CAMK2D: variants seen among roughly 807,000 people sequenced by gnomAD.
CAMK2D encodes the protein calcium/calmodulin dependent protein kinase II delta, also known as calcium/calmodulin-dependent protein kinase type II subunit delta.
Under a neutral mutation model 84.0 loss-of-function variants are expected in CAMK2D, and 37 were observed. The ratio of observed to expected loss-of-function variants is 0.44; its 90% CI spans 0.34 to 0.58. The LOEUF (loss-of-function observed/expected upper bound fraction) is 0.58. Ranked by LOEUF, CAMK2D falls within the 20% of genes least tolerant of loss-of-function variation. The pLI is 0.02. For missense variants in CAMK2D, 448 were observed against 652.5 expected (o/e 0.69, Z 3.41); for synonymous variants, 202 against 212.5 (o/e 0.95, Z 0.43).
intron 3 of CAMK2D, among the ~76,000 whole-genome samples, chr4:113,614,442 T>C (rs865924523): frequency 2.0e-5 from 3 of 152,126 alleles, no homozygotes; most frequent in Non-Finnish European, 4.4e-5. Context: ...GAGTAGCATG[T>C]GTGATGCAAG....
chr4:113,757,586 C>T lies in CAMK2D; in HGVS notation c.160+1734G>A, dbSNP rs867623836. Among the ~76,000 whole-genome samples, 16 of 152,160 alleles carry T rather than the reference C, an allele frequency of 1.1e-4. 1 individual carries two copies. The highest frequency in any genetic ancestry group is 2.9e-4 in the African/African-American group (12 of 41,528). ...CACAAGGAAAAAAAATTGCAGAAAA[C>T]GGGCAAGAAGAATGTCTCCTAACTC... On this transcript the variant is annotated intron_variant, in intron 2 of 20. Coordinates refer to ENST00000511664, the MANE Select transcript of CAMK2D (RefSeq NM_001321571.2).
chr4:113,744,202 A>C (rs1258246061), intron 2 of CAMK2D, among the ~76,000 whole-genome samples: 1 of 152,154 alleles, frequency 6.6e-6, no homozygotes, highest in Non-Finnish European at 1.5e-5. Context: ...AATCCCAAGA[A>C]AGTCATTAAT....
intron 2 of CAMK2D, among the ~76,000 whole-genome samples, chr4:113,753,440 A>G (rs1325840520): frequency 2.0e-5 from 3 of 152,004 alleles, no homozygotes; most frequent in Non-Finnish European, 4.4e-5. Context: ...TGTAATTACA[A>G]TGATAGCTAA....
At chr4:113,500,152 G>A (rs1437051517) in intron 16 of CAMK2D, among the ~76,000 whole-genome samples, 1 of 152,064 alleles carries the variant, frequency 6.6e-6, no homozygotes, top group Admixed American at 6.5e-5. Context: ...CTTTTTGACT[G>A]ACAAATTTAC....
intron 2 of CAMK2D, among the ~76,000 whole-genome samples, chr4:113,697,671 A>G (rs1043011807): frequency 6.6e-6 from 1 of 152,128 alleles, no homozygotes; most frequent in Non-Finnish European, 1.5e-5. Flanking sequence ...ATACTAAGCC[A>G]GTTCTTATGA....
At chr4:113,611,977 C>T (rs1380877407) in intron 3 of CAMK2D, among the ~76,000 whole-genome samples, 1 of 152,078 alleles carries the variant, frequency 6.6e-6, no homozygotes, top group African/African-American at 2.4e-5. Context: ...ATATTTCCTT[C>T]CTTCCTTTAT....
At chr4:113,679,725 T>G (rs903706268) in intron 2 of CAMK2D, among the ~76,000 whole-genome samples, 1 of 152,158 alleles carries the variant, frequency 6.6e-6, no homozygotes, top group Non-Finnish European at 1.5e-5. Flanking sequence ...GAAATCTAAT[T>G]TGGAAATACG....
At chr4:113,748,394 C>T (rs955168390) in intron 2 of CAMK2D, among the ~76,000 whole-genome samples, 1 of 152,114 alleles carries the variant, frequency 6.6e-6, no homozygotes, top group Non-Finnish European at 1.5e-5. Context: ...ACAAAATTTA[C>T]AGGAAGTAAT....
intron 4 of CAMK2D, among the ~76,000 whole-genome samples, chr4:113,593,257 A>T (rs2098901948): frequency 6.6e-6 from 1 of 152,246 alleles, no homozygotes; most frequent in South Asian, 2.1e-4. Flanking sequence ...CAAGTAAAAT[A>T]CTGAACAAAC....
intron 4 of CAMK2D, among the ~76,000 whole-genome samples, chr4:113,556,124 A>C (rs912218627): frequency 6.6e-6 from 1 of 152,194 alleles, no homozygotes; most frequent in African/African-American, 2.4e-5. Flanking sequence ...AAAATGTGCC[A>C]AGACTAAGTG....
chr4:113,537,481 A>T, intron 6 of CAMK2D, 38 bp from the exon 7 acceptor site: 1 of 1,240,266 alleles, frequency 8.1e-7, no homozygotes, highest in Non-Finnish European at 1.2e-6. Flanking sequence ...CTGAAGTGAG[A>T]ACCTATTTTA....
At position 113,455,803 on chromosome 4, in the gene CAMK2D, A is replaced by G. The variant is rs775133200; in HGVS notation, c.1554T>C (p.Asn518=). Residue 518 remains asparagine (N), a synonymous_variant, in exon 20 of 21, where the codon AAT becomes AAC. Transcript: ENST00000511664. ...TGCCTCCTGAGAAGTTTTCTTTCCC[A>G]TTTGGAATACAGGGTGGCCTATTAA... ...TVPIKPPCIP[N]GKENFSGGTS... The G allele has an allele frequency of 1.2e-6, 2 of 1,611,208 alleles. No homozygotes were observed. Among genetic ancestry groups the G allele is most frequent in the Non-Finnish European group, 1.7e-6 (2 of 1,177,660 alleles).
At chr4:113,694,573 T>C (rs1247557623) in intron 2 of CAMK2D, among the ~76,000 whole-genome samples, 1 of 152,104 alleles carries the variant, frequency 6.6e-6, no homozygotes, top group African/African-American at 2.4e-5. Flanking sequence ...GACTGGAACA[T>C]TGCCCAAGAT....
intron 3 of CAMK2D, among the ~76,000 whole-genome samples, chr4:113,635,815 T>C (rs1337595042): frequency 6.6e-6 from 1 of 152,194 alleles, no homozygotes; most frequent in Non-Finnish European, 1.5e-5. Flanking sequence ...TCTGTAAAGG[T>C]TGAGAATGAC....
intron 16 of CAMK2D, among the ~76,000 whole-genome samples, chr4:113,478,886 CT>C (rs2097664316): frequency 6.6e-6 from 1 of 151,204 alleles, no homozygotes; most frequent in African/African-American, 2.4e-5. Flanking sequence ...ATTTTTTTTT[CT>C]TTCTTTTTAA....
intron 4 of CAMK2D, among the ~76,000 whole-genome samples, chr4:113,561,749 G>A (rs1031186880): frequency 1.3e-5 from 2 of 152,186 alleles, no homozygotes; most frequent in African/African-American, 4.8e-5. Context: ...AAGATCAAGA[G>A]TTATTGCCGG....
chr4:113,644,981 G>C (rs1158174123), intron 3 of CAMK2D, among the ~76,000 whole-genome samples: 1 of 152,094 alleles, frequency 6.6e-6, no homozygotes, highest in Non-Finnish European at 1.5e-5. Flanking sequence ...TGAACAGCCT[G>C]TACTGAGAAT....
intron 2 of CAMK2D, among the ~76,000 whole-genome samples, chr4:113,684,671 A>T (rs942414656): frequency 6.6e-6 from 1 of 152,176 alleles, no homozygotes; most frequent in Admixed American, 6.5e-5. Flanking sequence ...TCTGCCCAGA[A>T]AGTCTCAGTT....
intron 9 of CAMK2D, among the ~76,000 whole-genome samples, chr4:113,517,034 T>C (rs1590569230): frequency 6.6e-6 from 1 of 151,860 alleles, no homozygotes; most frequent in Admixed American, 6.6e-5. Context: ...AAATATATTA[T>C]TAGAATTATG....
Sources: allele counts gnomAD v4.1 joint callset (sites outside exome capture counted in the v4.1 genomes callset), GRCh38; gene constraint gnomAD v4.1.1; transcripts MANE v1.5; gene names NCBI Gene and HGNC (gene_info 2026-07-23, HGNC 2026-07-21).